RBM47: variants seen among roughly 807,000 people sequenced by gnomAD.
RBM47 encodes the protein RNA binding motif protein 47.
A neutral mutation model predicts 47.1 loss-of-function variants in RBM47; 21 were observed. That is an observed-to-expected ratio of 0.45 (90% CI 0.32 to 0.64). RBM47 has a LOEUF of 0.64. Among genes scored for constraint, RBM47 ranks in the 30% least tolerant of loss-of-function variants. RBM47 has a pLI of 0.05. For synonymous variants in RBM47, 375 were observed against 361.7 expected, an observed-to-expected ratio of 1.04 and a Z score of -0.42; for missense variants, 708 against 870.9, an observed-to-expected ratio of 0.81 and a Z score of 2.35.
chr4:40,439,013 T>C (rs1022163585), intron 3 of RBM47, 89 bp from the exon 4 acceptor site: 6 of 1,148,370 alleles, frequency 5.2e-6, no homozygotes, highest in Admixed American at 5.8e-5. Context: ...TATGCATTAA[T>C]AGGCCACGGG....
At chr4:40,469,858 C>T (rs374101559) in intron 2 of RBM47, among the ~76,000 whole-genome samples, 8 of 152,122 alleles carry the variant, frequency 5.3e-5, no homozygotes, top group African/African-American at 1.9e-4. Context: ...TGGTCTCTAA[C>T]TCTTAACCTC....
chr4:40,427,290 T>C (rs1190751490), intron 6 of RBM47: 1 of 152,216 alleles, frequency 6.6e-6, no homozygotes, highest in Non-Finnish European at 1.5e-5. Context: ...GCGGGGATAT[T>C]CGAGCTGAGT....
chr4:40,432,728 C>G lies in RBM47; in HGVS notation c.1465G>C (p.Ala489Pro). Residue 489 changes from alanine (A) to proline (P), a missense_variant, in exon 6 of 7, where the codon GCT (alanine) becomes CCT (proline). Physicochemically the swap from Ala to Pro is conservative, Grantham distance 27. Coordinates refer to ENST00000295971, the MANE Select transcript of RBM47 (RefSeq NM_001098634.2). ...GCGGCCGCGGCTGCGGCGGCAGCAG[C>G]ACTGGCTGGGTCTGGCTGCACAGCA... The part of the protein sequence containing the change: ...PIAVQPDPAS[A>P]AAAAAAAAAA... 6.2e-7 allele frequency: 1 copy of G among 1,612,474 alleles called. No individual in the cohort carries two copies. The highest frequency in any genetic ancestry group is 1.3e-5 in the African/African-American group (1 of 74,958).
At position 40,432,220 on chromosome 4, in the gene RBM47, A is replaced by G. The variant is rs1716263902; in HGVS notation, c.1542+431T>C. 2.7e-5 allele frequency among the ~76,000 whole-genome samples: 4 copies of G among 150,280 alleles called. No homozygotes were observed. The South Asian group carries it at 8.6e-4, about 32-fold the overall frequency. ...TCTCTCTTTACACACACACACACAC[A>G]CACACACACACACACACACACACGG... is the stretch of plus-strand genomic sequence containing the variant. On this transcript the variant is annotated intron_variant, in intron 6 of 6. Coordinates refer to ENST00000295971, the MANE Select transcript of RBM47 (RefSeq NM_001098634.2).
chr4:40,450,035 T>C (rs62302027), intron 3 of RBM47, among the ~76,000 whole-genome samples: 11,420 of 152,192 alleles, frequency 0.075, 414 homozygotes, highest in African/African-American at 0.094. Flanking sequence ...GTTGATGGGG[T>C]AATGCTGAAA....
chr4:40,497,215 G>A (rs1176939965), intron 2 of RBM47, among the ~76,000 whole-genome samples: 2 of 152,130 alleles, frequency 1.3e-5, no homozygotes, highest in East Asian at 3.8e-4. Flanking sequence ...TCACTTCGGT[G>A]TGTCTTTACT....
At chr4:40,448,975 A>G (rs1157489242) in intron 3 of RBM47, among the ~76,000 whole-genome samples, 1 of 152,236 alleles carries the variant, frequency 6.6e-6, no homozygotes. Context: ...AAAGGTTTCC[A>G]AGATTTGGCC....
At chr4:40,529,590 T>G (rs139544841) in intron 2 of RBM47, among the ~76,000 whole-genome samples, 2,844 of 147,964 alleles carry the variant, frequency 0.019, 86 homozygotes, top group African/African-American at 0.067. Flanking sequence ...TCCCAGCATT[T>G]TGGGAGGCTG....
chr4:40,587,308 G>A (rs972940233), intron 1 of RBM47, among the ~76,000 whole-genome samples: 1 of 152,102 alleles, frequency 6.6e-6, no homozygotes, highest in African/African-American at 2.4e-5. Flanking sequence ...ATATTAAGGG[G>A]CCACAGGTAG....
chr4:40,575,426 CCTT>C (rs1413328596), intron 1 of RBM47, among the ~76,000 whole-genome samples: 1 of 151,900 alleles, frequency 6.6e-6, no homozygotes, highest in Non-Finnish European at 1.5e-5. Flanking sequence ...GTGGCGGGCC[CCTT>C]TAATCCCAGC....
intron 1 of RBM47, among the ~76,000 whole-genome samples, chr4:40,545,704 A>AATAAAT (rs1728979521): frequency 6.6e-6 from 1 of 151,648 alleles, no homozygotes; most frequent in Non-Finnish European, 1.5e-5. Context: ...TAAATAAATA[A>AATAAAT]AAGAGAAAGA....
chr4:40,610,015 C>CT (rs1483296240), intron 1 of RBM47, among the ~76,000 whole-genome samples: 22 of 151,882 alleles, frequency 1.4e-4, no homozygotes, highest in Admixed American at 1.1e-3. Context: ...TTGCTTGAAC[C>CT]GGGAGGCGGA....
chr4:40,576,820 C>T (rs913962886), intron 1 of RBM47, among the ~76,000 whole-genome samples: 2 of 152,118 alleles, frequency 1.3e-5, no homozygotes, highest in East Asian at 3.8e-4. Context: ...AAACACTTTG[C>T]ATGTGTTATC....
At chr4:40,570,147 T>A (rs2154268549) in intron 1 of RBM47, among the ~76,000 whole-genome samples, 1 of 152,158 alleles carries the variant, frequency 6.6e-6, no homozygotes, top group African/African-American at 2.4e-5. Flanking sequence ...GAAGACAATT[T>A]TTCCATGGTG....
At chr4:40,615,094 CCA>C (rs1736601885) in intron 1 of RBM47, among the ~76,000 whole-genome samples, 1 of 151,810 alleles carries the variant, frequency 6.6e-6, no homozygotes, top group Non-Finnish European at 1.5e-5. Context: ...CCACTGAACT[CCA>C]GTCTGAGCAA....
intron 1 of RBM47, among the ~76,000 whole-genome samples, chr4:40,576,197 A>G (rs565934845): frequency 1.4e-5 from 2 of 139,978 alleles, no homozygotes; most frequent in East Asian, 4.2e-4. Flanking sequence ...TTCCCAGATT[A>G]TGCCCTTTCT....
chr4:40,582,643 A>C (rs1733064661), intron 1 of RBM47, among the ~76,000 whole-genome samples: 1 of 152,178 alleles, frequency 6.6e-6, no homozygotes, highest in Non-Finnish European at 1.5e-5. Context: ...CTCCAACTCC[A>C]TCCTTCCGTA....
intron 1 of RBM47, among the ~76,000 whole-genome samples, chr4:40,604,756 G>A (rs556468194): frequency 1.1e-4 from 16 of 149,796 alleles, no homozygotes; most frequent in South Asian, 6.4e-4. Flanking sequence ...TCGCTCTGTC[G>A]CCCAGGCTGG....
chr4:40,507,718 G>A (rs907054145), intron 2 of RBM47, among the ~76,000 whole-genome samples: 5 of 151,734 alleles, frequency 3.3e-5, no homozygotes, highest in Non-Finnish European at 5.9e-5. Context: ...CCTGGGAGGC[G>A]GAGGTTGCAG....
Sources: gnomAD v4.1 joint callset for allele counts (sites outside exome capture counted in the v4.1 genomes callset) on GRCh38, gnomAD v4.1.1 for gene constraint, MANE v1.5 for transcripts, NCBI Gene and HGNC (gene_info 2026-07-23, HGNC 2026-07-21) for gene names.